Variants in FRMPD4 observed in about 807,000 individuals in gnomAD.
The protein encoded by FRMPD4 is FERM and PDZ domain-containing protein 4.
A neutral mutation model predicts 94.1 loss-of-function variants in FRMPD4; 22 were observed. The ratio of observed to expected loss-of-function variants is 0.23; its 90% CI spans 0.17 to 0.33. The LOEUF (loss-of-function observed/expected upper bound fraction) is 0.33, where lower values mean the gene tolerates loss of function less well. Ranked by LOEUF, FRMPD4 falls within the 10% of genes least tolerant of loss-of-function variation. The probability of loss-of-function intolerance (pLI) is 1.00; values close to 1 mark genes in which losing one functional copy is unlikely to be tolerated. For missense variants in FRMPD4, 1,111 were observed against 1,339.9 expected, an observed-to-expected ratio of 0.83 and a Z score of 2.67; for synonymous variants, 631 against 548.6, an observed-to-expected ratio of 1.15 and a Z score of -2.10.
chrX:12,661,804 G>C (rs1303862108), intron 4 of FRMPD4, among the ~76,000 whole-genome samples: 1 of 111,932 alleles, frequency 8.9e-6, no homozygotes, highest in Non-Finnish European at 1.9e-5. Flanking sequence ...TCTCTCTTCA[G>C]AGTGTTGCAA....
At position 12,111,654 on chromosome X, in the gene FRMPD4, T is replaced by G. The variant is rs773845314; in HGVS notation, c.95+233636T>G. 4.5e-5 allele frequency among the ~76,000 whole-genome samples: 5 copies of G among 111,119 alleles called. No homozygotes were observed. The South Asian group carries it at 1.5e-3, about 34-fold the overall frequency. On this transcript the variant is annotated intron_variant, in intron 3 of 18. Coordinates refer to the FRMPD4 transcript ENST00000640291. ...AGGCAACCTACAGAATGGGAGAAAATTTTTGCAAACTACTCATCTGACAAA... is the reference window on the plus strand; with the variant it reads ...AGGCAACCTACAGAATGGGAGAAAAGTTTTGCAAACTACTCATCTGACAAA...
intron 1 of FRMPD4, among the ~76,000 whole-genome samples, chrX:12,372,833 G>A (rs2056181638): frequency 8.9e-6 from 1 of 112,137 alleles, no homozygotes; most frequent in South Asian, 3.7e-4. Context: ...AGAGGAGAGT[G>A]AGCTCTGAGT....
At chrX:12,644,941 C>T (rs1361526308) in intron 4 of FRMPD4, among the ~76,000 whole-genome samples, 1 of 111,808 alleles carries the variant, frequency 8.9e-6, no homozygotes, top group East Asian at 2.8e-4. Flanking sequence ...AAACTGACTA[C>T]TTAACCTGTT....
intron 1 of FRMPD4, among the ~76,000 whole-genome samples, chrX:11,841,319 C>T (rs935582220): frequency 1.8e-5 from 2 of 110,778 alleles, no homozygotes; most frequent in African/African-American, 6.6e-5. Context: ...GAGGAATCGC[C>T]ACACTGACTT....
At chrX:12,679,850 C>T (rs1483566119) in intron 5 of FRMPD4, among the ~76,000 whole-genome samples, 3 of 111,296 alleles carry the variant, frequency 2.7e-5, no homozygotes, top group African/African-American at 9.8e-5. Flanking sequence ...CTGGTTTATT[C>T]TCCCTTCCTG....
chrX:11,846,390 G>C (rs1376784008), intron 1 of FRMPD4, among the ~76,000 whole-genome samples: 2 of 110,910 alleles, frequency 1.8e-5, no homozygotes, highest in African/African-American at 3.3e-5. Flanking sequence ...AGGATACAAA[G>C]AAATGGAAGA....
intron 1 of FRMPD4, among the ~76,000 whole-genome samples, chrX:12,347,561 T>C (rs1378411252): frequency 8.9e-6 from 1 of 112,118 alleles, no homozygotes; most frequent in Non-Finnish European, 1.9e-5. Context: ...TACCTTATAA[T>C]ATTGATATAA....
chrX:12,315,000 C>T (rs955860605), intron 1 of FRMPD4, among the ~76,000 whole-genome samples: 13 of 112,231 alleles, frequency 1.2e-4, no homozygotes, highest in Non-Finnish European at 2.4e-4. Flanking sequence ...GAAAAAAATG[C>T]TTTATCTTTA....
At chrX:11,880,894 T>G (rs1258162982) in intron 3 of FRMPD4, among the ~76,000 whole-genome samples, 1 of 112,090 alleles carries the variant, frequency 8.9e-6, no homozygotes, top group African/African-American at 3.2e-5. Context: ...CCACCCACCT[T>G]GACCTCCCAA....
chrX:12,140,536 A>G (rs1033743639), intron 1 of FRMPD4, among the ~76,000 whole-genome samples: 2 of 112,190 alleles, frequency 1.8e-5, no homozygotes, highest in Non-Finnish European at 3.8e-5. Context: ...TTTAGAGGCT[A>G]AGTGGTACCC....
At chrX:12,000,181 C>T (rs1328193777) in intron 3 of FRMPD4, among the ~76,000 whole-genome samples, 1 of 111,857 alleles carries the variant, frequency 8.9e-6, no homozygotes, top group Non-Finnish European at 1.9e-5. Flanking sequence ...CTCTGTTCTA[C>T]CCCCTCTCAG....
In FRMPD4 at chrX:11,891,672, C is replaced by T. The variant is rs748573607; in HGVS notation, c.95+13654C>T. Among the ~76,000 whole-genome samples, 45 of 111,952 alleles carry T rather than the reference C, an allele frequency of 4.0e-4. No individual in the cohort carries two copies. The East Asian group carries it at 0.012, about 29-fold the overall frequency. Reference sequence around the variant, plus strand: ...GTTATCATGTTCCTTGGGTAAGTTACTTGAGCTTACTAAGCCCCAGAGTTC... The same window carrying T: ...GTTATCATGTTCCTTGGGTAAGTTATTTGAGCTTACTAAGCCCCAGAGTTC... On this transcript the variant is annotated intron_variant, in intron 3 of 18. Coordinates refer to the FRMPD4 transcript ENST00000640291.
At chrX:12,473,518 G>C (rs1431392465) in intron 1 of FRMPD4, among the ~76,000 whole-genome samples, 1 of 109,881 alleles carries the variant, frequency 9.1e-6, no homozygotes, top group African/African-American at 3.5e-5. Flanking sequence ...ACACAGACTG[G>C]CAAATTGGAT....
chrX:11,878,316 G>A (rs901686261), intron 3 of FRMPD4, among the ~76,000 whole-genome samples: 2 of 111,937 alleles, frequency 1.8e-5, no homozygotes, highest in African/African-American at 6.5e-5. Flanking sequence ...AGGCACTTTT[G>A]GGAAAAGAAA....
intron 3 of FRMPD4, among the ~76,000 whole-genome samples, chrX:12,006,753 C>T (rs1819147642): frequency 2.7e-5 from 3 of 111,633 alleles, no homozygotes; most frequent in Admixed American, 9.5e-5. Flanking sequence ...GGTAGATTTT[C>T]GTAAAAGGAT....
intron 3 of FRMPD4, among the ~76,000 whole-genome samples, chrX:12,075,310 T>G (rs1192211186): frequency 9.3e-6 from 1 of 107,558 alleles, no homozygotes; most frequent in Non-Finnish European, 1.9e-5. Flanking sequence ...AATGTACCAC[T>G]CTGGTGAAGG....
chrX:11,925,628 C>T (rs5979490), intron 3 of FRMPD4, among the ~76,000 whole-genome samples: 38,937 of 110,510 alleles, frequency 0.35, 5,453 homozygotes, highest in East Asian at 0.81. Flanking sequence ...ACATGGAAAT[C>T]GAATAACCTG....
At chrX:11,879,707 C>A in intron 3 of FRMPD4, among the ~76,000 whole-genome samples, 1 of 110,967 alleles carries the variant, frequency 9.0e-6, no homozygotes, top group Middle Eastern at 4.7e-3. Context: ...AAAAAGAAAC[C>A]ATTATTATCA....
intron 7 of FRMPD4, 151 bp downstream of exon 7, chrX:12,686,355 T>G: frequency 2.8e-6 from 1 of 356,364 alleles, no homozygotes; most frequent in South Asian, 9.1e-5. Context: ...CTGTGAATAC[T>G]TCAAACCAAA....
Sources: allele counts gnomAD v4.1 joint callset (sites outside exome capture counted in the v4.1 genomes callset), GRCh38; gene constraint gnomAD v4.1.1; transcripts MANE v1.5; gene names NCBI Gene and HGNC (gene_info 2026-07-23, HGNC 2026-07-21).